Variants in CHST11 observed in about 807,000 individuals in gnomAD.
CHST11 encodes carbohydrate sulfotransferase 11.
CHST11 carries 9 observed loss-of-function variants against 30.4 expected under a neutral mutation model. That is an observed-to-expected ratio of 0.30 (90% CI 0.18 to 0.52). The LOEUF is 0.52. Among genes scored for constraint, CHST11 ranks in the 20% least tolerant of loss-of-function variants. The pLI, the probability that CHST11 is intolerant of heterozygous loss-of-function variation, is 0.97. For synonymous variants in CHST11, 152 were observed against 187.8 expected, an observed-to-expected ratio of 0.81 and a Z score of 1.56; for missense variants, 348 against 460.6, an observed-to-expected ratio of 0.76 and a Z score of 2.24.
rs35359633 is a variant in CHST11, at chr12:104,589,400, CAAAA to C, written c.119-12490_119-12487del. On this transcript the variant is annotated intron_variant, in intron 1 of 2. Transcript: ENST00000303694. Reference sequence around the variant, plus strand: ...TGAGTGACACAGCAAGATCTTGTCTCAAAAAAAAAAAAAAAAAAATTCAAATTCA... The same window carrying C: ...TGAGTGACACAGCAAGATCTTGTCTCAAAAAAAAAAAAAAATTCAAATTCA... Among the ~76,000 whole-genome samples the C allele has an allele frequency of 1.4e-4, 18 of 124,370 alleles. No homozygotes were observed. In the East Asian group the frequency reaches 2.0e-3, roughly 14 times the overall value. The allele number at this position is 124,370 out of a possible 152,430, so 81.6% of individuals were successfully genotyped here.
intron 2 of CHST11, among the ~76,000 whole-genome samples, chr12:104,650,748 C>T (rs2039482711): frequency 6.6e-6 from 1 of 152,180 alleles, no homozygotes; most frequent in Admixed American, 6.5e-5. Flanking sequence ...TGATCTGAGC[C>T]TAAAACGTGA....
At chr12:104,737,297 G>T (rs1477826633) in intron 2 of CHST11, among the ~76,000 whole-genome samples, 1 of 152,234 alleles carries the variant, frequency 6.6e-6, no homozygotes, top group Non-Finnish European at 1.5e-5. Context: ...TGACTTGGGG[G>T]CCAAAGACAT....
chr12:104,738,650 G>C (rs1158925289), intron 2 of CHST11, among the ~76,000 whole-genome samples: 1 of 152,224 alleles, frequency 6.6e-6, no homozygotes, highest in Non-Finnish European at 1.5e-5. Flanking sequence ...CTTTAAAGCA[G>C]GGAGTACTGT....
chr12:104,469,716 G>A (rs564650985), intron 1 of CHST11, among the ~76,000 whole-genome samples: 1 of 152,122 alleles, frequency 6.6e-6, no homozygotes, highest in African/African-American at 2.4e-5. Context: ...TGTAGCTGGG[G>A]CACAGACCCA....
chr12:104,748,192 G>A (rs1406996154), intron 2 of CHST11, among the ~76,000 whole-genome samples: 1 of 152,190 alleles, frequency 6.6e-6, no homozygotes, highest in Non-Finnish European at 1.5e-5. Flanking sequence ...TCTGTCGGCA[G>A]CAGATGGCGA....
At chr12:104,460,466 C>A (rs1413534921) in intron 1 of CHST11, among the ~76,000 whole-genome samples, 2 of 151,950 alleles carry the variant, frequency 1.3e-5, no homozygotes, top group Admixed American at 1.3e-4. Context: ...GAGTTCGAGA[C>A]CAGCCTGGCC....
At chr12:104,496,572 C>T (rs2037799798) in intron 1 of CHST11, among the ~76,000 whole-genome samples, 1 of 152,138 alleles carries the variant, frequency 6.6e-6, no homozygotes, top group South Asian at 2.1e-4. Flanking sequence ...TCTGGTAATC[C>T]TATCAGTAAA....
At chr12:104,717,596 AC>A (rs1477901545) in intron 2 of CHST11, among the ~76,000 whole-genome samples, 5 of 151,574 alleles carry the variant, frequency 3.3e-5, no homozygotes, top group African/African-American at 1.2e-4. Flanking sequence ...ATATAGTGAA[AC>A]CCCGTCTTTA....
intron 1 of CHST11, among the ~76,000 whole-genome samples, chr12:104,489,697 T>C (rs2037726683): frequency 6.6e-6 from 1 of 150,776 alleles, no homozygotes; most frequent in Admixed American, 6.6e-5. Flanking sequence ...TCTCTTGACT[T>C]TGTGATCTAC....
chr12:104,681,478 A>G (rs965100522), intron 2 of CHST11, among the ~76,000 whole-genome samples: 1 of 152,210 alleles, frequency 6.6e-6, no homozygotes, highest in Non-Finnish European at 1.5e-5. Context: ...ATATATTCTA[A>G]AATTAGGTTA....
intron 1 of CHST11, among the ~76,000 whole-genome samples, chr12:104,482,821 C>A (rs1370441972): frequency 2.6e-5 from 4 of 152,154 alleles, no homozygotes; most frequent in Admixed American, 6.5e-5. Context: ...TGCATCCCCC[C>A]ACTTAAGACT....
chr12:104,698,806 T>C (rs570646887), intron 2 of CHST11, among the ~76,000 whole-genome samples: 67 of 152,380 alleles, frequency 4.4e-4, no homozygotes, highest in African/African-American at 1.5e-3. Context: ...TTCTTTATTA[T>C]TAATCAGGAA....
At chr12:104,683,103 C>T (rs1236330203) in intron 2 of CHST11, among the ~76,000 whole-genome samples, 2 of 152,052 alleles carry the variant, frequency 1.3e-5, no homozygotes, top group South Asian at 2.1e-4. Context: ...CAAAAGGGGG[C>T]GGGGTCTTGA....
intron 1 of CHST11, among the ~76,000 whole-genome samples, chr12:104,541,841 A>G (rs1283886513): frequency 1.3e-5 from 2 of 152,184 alleles, no homozygotes; most frequent in Non-Finnish European, 2.9e-5. Context: ...GACAGGGAAA[A>G]TTGCTTGAAC....
At chr12:104,756,917 G>T in intron 2 of CHST11, 32 bp from the exon 3 acceptor site, 4 of 1,589,332 alleles carry the variant, frequency 2.5e-6, no homozygotes, top group Non-Finnish European at 3.4e-6. Context: ...GGCAAGTACT[G>T]AGTTCTTATT....
In CHST11 at chr12:104,757,683, A is replaced by C. The variant is rs772534949; in HGVS notation, c.939A>C (p.Glu313Asp). Reference sequence around the variant, plus strand: ...CAAAGTCTACGAGAACTACTGATGAAATGACCACAGAATTCTTCCAGAACA... The same window carrying C: ...CAAAGTCTACGAGAACTACTGATGACATGACCACAGAATTCTTCCAGAACA... The part of the protein sequence containing the change: ...TYAKSTRTTD[E>D]MTTEFFQNIS... Residue 313 changes from glutamate to aspartate, a missense_variant, in exon 3 of 3, where the codon GAA (glutamate) becomes GAC (aspartate). This residue lies in a region of CHST11 where 210 missense variants were observed against 287.2 expected (regional missense o/e 0.73). Coordinates refer to ENST00000303694, the MANE Select transcript of CHST11 (RefSeq NM_018413.6). The surrounding 1 kb of genome is among the most constrained non-coding windows in gnomAD (Gnocchi z 6.5). The C allele has an allele frequency of 6.2e-7, 1 of 1,614,164 alleles. No individual in the cohort carries two copies. Among genetic ancestry groups the C allele is most frequent in the South Asian group, 1.1e-5 (1 of 91,084 alleles).
intron 1 of CHST11, among the ~76,000 whole-genome samples, chr12:104,508,087 C>T (rs1427535454): frequency 1.3e-5 from 2 of 152,204 alleles, no homozygotes. Flanking sequence ...GACCTTGAGA[C>T]ACCCAGATTA....
chr12:104,626,704 T>C (rs757303492), intron 2 of CHST11, among the ~76,000 whole-genome samples: 1 of 152,142 alleles, frequency 6.6e-6, no homozygotes, highest in African/African-American at 2.4e-5. Context: ...TTGATTTTTT[T>C]TTTTAGAGCA....
At chr12:104,605,917 T>C (rs1224154900) in intron 2 of CHST11, among the ~76,000 whole-genome samples, 2 of 152,174 alleles carry the variant, frequency 1.3e-5, no homozygotes. Flanking sequence ...TCTCGTGGGT[T>C]CCCTGAAATC....
Sources: allele counts gnomAD v4.1 joint callset (sites outside exome capture counted in the v4.1 genomes callset), GRCh38; gene constraint gnomAD v4.1.1; regional missense constraint gnomAD v4.1.1; non-coding constraint Gnocchi (gnomAD v3.1); transcripts MANE v1.5; gene names NCBI Gene and HGNC (gene_info 2026-07-23, HGNC 2026-07-21).